WWOX: variants seen among roughly 807,000 people sequenced by gnomAD.
WWOX encodes the protein WW domain-containing oxidoreductase.
A neutral mutation model predicts 46.2 loss-of-function variants in WWOX; 69 were observed. That is an observed-to-expected ratio of 1.49 (90% CI 1.23 to 1.82). The LOEUF (loss-of-function observed/expected upper bound fraction) is 1.82, where lower values mean the gene tolerates loss of function less well. Among genes scored for constraint, WWOX ranks in the 40% most tolerant of loss-of-function variants. The pLI, the probability that WWOX is intolerant of heterozygous loss-of-function variation, is 0.00. For missense variants in WWOX, 919 were observed against 542.6 expected (o/e 1.69, Z -6.89); for synonymous variants, 359 against 202.6 (o/e 1.77, Z -6.56).
At chr16:78,369,517 A>C (rs1338061275) in intron 5 of WWOX, among the ~76,000 whole-genome samples, 1 of 152,180 alleles carries the variant, frequency 6.6e-6, no homozygotes, top group African/African-American at 2.4e-5. Flanking sequence ...GCAACCAAGG[A>C]GGGGCAGCTC....
intron 8 of WWOX, among the ~76,000 whole-genome samples, chr16:78,830,241 C>A (rs1351919137): frequency 1.3e-5 from 2 of 152,304 alleles, no homozygotes; most frequent in East Asian, 3.9e-4. Flanking sequence ...ATATTTGCAT[C>A]TGAATGATAT....
At chr16:78,804,264 A>G (rs927072048) in intron 8 of WWOX, among the ~76,000 whole-genome samples, 1 of 152,128 alleles carries the variant, frequency 6.6e-6, no homozygotes, top group Non-Finnish European at 1.5e-5. Flanking sequence ...GAGGGCTGAC[A>G]CTGCCTGAGC....
chr16:78,174,151 A>G (rs1201602108), intron 5 of WWOX, among the ~76,000 whole-genome samples: 1 of 152,190 alleles, frequency 6.6e-6, no homozygotes, highest in Admixed American at 6.5e-5. Flanking sequence ...CTTCTAATAA[A>G]GACACACCCA....
intron 8 of WWOX, among the ~76,000 whole-genome samples, chr16:79,171,327 C>G (rs920169691): frequency 6.6e-6 from 1 of 152,212 alleles, no homozygotes; most frequent in Non-Finnish European, 1.5e-5. Flanking sequence ...TACATACTCT[C>G]TTAATAGTGT....
chr16:78,912,217 C>A (rs1402779072), intron 8 of WWOX, among the ~76,000 whole-genome samples: 1 of 151,996 alleles, frequency 6.6e-6, no homozygotes, highest in South Asian at 2.1e-4. Flanking sequence ...TGAACAAAGC[C>A]CCAGTTGTTT....
chr16:78,709,259 C>T (rs1238124417), intron 8 of WWOX, among the ~76,000 whole-genome samples: 1 of 152,290 alleles, frequency 6.6e-6, no homozygotes, highest in African/African-American at 2.4e-5. Flanking sequence ...GTAATCTCTG[C>T]CTGCGGGAGA....
At chr16:78,287,174 A>T (rs191442064) in intron 5 of WWOX, among the ~76,000 whole-genome samples, 199 of 152,386 alleles carry the variant, frequency 1.3e-3, no homozygotes, top group African/African-American at 4.7e-3. Flanking sequence ...AATAAAATAA[A>T]ATACATTTCT....
At chr16:79,125,308 G>C (rs1335394619) in intron 8 of WWOX, among the ~76,000 whole-genome samples, 1 of 152,118 alleles carries the variant, frequency 6.6e-6, no homozygotes, top group East Asian at 1.9e-4. Context: ...TTGTCTTGTT[G>C]ATTTCAAACA....
At chr16:78,386,729 T>G in intron 5 of WWOX, 131 bp from the exon 6 acceptor site, 1 of 704,610 alleles carries the variant, frequency 1.4e-6, no homozygotes, top group Middle Eastern at 3.9e-4. Context: ...TCCGATGATT[T>G]ATATTCTCTC....
chr16:78,364,628 C>G (rs1440701974), intron 5 of WWOX, among the ~76,000 whole-genome samples: 2 of 143,834 alleles, frequency 1.4e-5, no homozygotes, highest in African/African-American at 5.2e-5. Flanking sequence ...GTGACTGCAG[C>G]TGACATTTAT....
intron 8 of WWOX, among the ~76,000 whole-genome samples, chr16:79,114,549 C>G (rs1231062246): frequency 6.6e-6 from 1 of 151,896 alleles, no homozygotes; most frequent in African/African-American, 2.4e-5. Flanking sequence ...CCACCAGGAG[C>G]TGGAAGTGGC....
chr16:79,005,502 C>T (rs970648173), intron 8 of WWOX, among the ~76,000 whole-genome samples: 1 of 152,140 alleles, frequency 6.6e-6, no homozygotes, highest in Non-Finnish European at 1.5e-5. Flanking sequence ...GCAAGGCCAT[C>T]CTCTCTCTGA....
chr16:78,768,859 G>A (rs1237186568), intron 8 of WWOX, among the ~76,000 whole-genome samples: 1 of 152,180 alleles, frequency 6.6e-6, no homozygotes, highest in African/African-American at 2.4e-5. Flanking sequence ...CAAAGAGAAA[G>A]GAGAGCATGA....
At chr16:78,688,701 G>C (rs764893048) in intron 8 of WWOX, among the ~76,000 whole-genome samples, 2 of 152,140 alleles carry the variant, frequency 1.3e-5, no homozygotes, top group Non-Finnish European at 2.9e-5. Flanking sequence ...AAGGGATTGA[G>C]GGAGAGTGCT....
intron 8 of WWOX, among the ~76,000 whole-genome samples, chr16:78,782,537 T>TG (rs1365321383): frequency 6.6e-6 from 1 of 152,172 alleles, no homozygotes; most frequent in Non-Finnish European, 1.5e-5. Context: ...TCAAGAGTGA[T>TG]GGACCAAAAA....
intron 8 of WWOX, among the ~76,000 whole-genome samples, chr16:79,135,349 A>G (rs1179085198): frequency 6.6e-6 from 1 of 152,014 alleles, no homozygotes; most frequent in Non-Finnish European, 1.5e-5. Context: ...TATGGATTAC[A>G]TTTATTTTCA....
At chr16:78,142,230 A>G (rs2034013922) in intron 4 of WWOX, among the ~76,000 whole-genome samples, 1 of 152,196 alleles carries the variant, frequency 6.6e-6, no homozygotes, top group Non-Finnish European at 1.5e-5. Context: ...GAGGCTTTGC[A>G]ACACTTTCAA....
rs80257683 is a variant in WWOX at position 78,428,536 on chromosome 16, C to T, written c.791+3481C>T. Among the ~76,000 whole-genome samples the T allele has an allele frequency of 0.01, 1,538 of 152,334 alleles. 61 individuals carry two copies. The East Asian group carries it at 0.12, about 12-fold the overall frequency. Reference sequence around the variant, plus strand: ...CAGCTGGTACTTCTCCATCTTGAAACTGTCCTTCCTGGTTTTGTCTAATTT... The same window carrying T: ...CAGCTGGTACTTCTCCATCTTGAAATTGTCCTTCCTGGTTTTGTCTAATTT... On this transcript the variant is annotated intron_variant, in intron 7 of 8. Coordinates refer to ENST00000566780, the MANE Select transcript of WWOX (RefSeq NM_016373.4).
At chr16:78,705,699 T>A (rs2048314765) in intron 8 of WWOX, among the ~76,000 whole-genome samples, 1 of 152,258 alleles carries the variant, frequency 6.6e-6, no homozygotes, top group Admixed American at 6.5e-5. Flanking sequence ...TTTATTTGCT[T>A]TTTTACTTCC....
Sources: gnomAD v4.1 joint callset for allele counts (sites outside exome capture counted in the v4.1 genomes callset) on GRCh38, gnomAD v4.1.1 for gene constraint, MANE v1.5 for transcripts, NCBI Gene and HGNC (gene_info 2026-07-23, HGNC 2026-07-21) for gene names.